The following DPF3 variants were observed in gnomAD, a reference collection of about 807,000 sequenced individuals.
DPF3 encodes the protein zinc finger protein DPF3.
DPF3 carries 18 observed loss-of-function variants against 56.8 expected under a neutral mutation model. That is an observed-to-expected ratio of 0.32 (90% CI 0.22 to 0.47). DPF3 has a LOEUF of 0.47. Ranked by LOEUF, DPF3 falls within the 20% of genes least tolerant of loss-of-function variation. The pLI is 1.00. For synonymous variants in DPF3, 188 were observed against 180.2 expected (o/e 1.04, Z -0.35); for missense variants, 403 against 488.8 (o/e 0.82, Z 1.65).
chr14:72,664,681 A>T (rs1022594355), intron 8 of DPF3, among the ~76,000 whole-genome samples: 7 of 150,492 alleles, frequency 4.7e-5, no homozygotes, highest in African/African-American at 7.4e-5. Flanking sequence ...AGACTTCTCC[A>T]TTCTTTCTGT....
chr14:72,884,876 C>G (rs1886453698), intron 1 of DPF3, among the ~76,000 whole-genome samples: 1 of 143,300 alleles, frequency 7.0e-6, no homozygotes. Context: ...GCGGGCGGAT[C>G]ACGAGGTCAG....
At chr14:72,651,797 C>T (rs1204819461) in intron 8 of DPF3, among the ~76,000 whole-genome samples, 3 of 152,316 alleles carry the variant, frequency 2.0e-5, no homozygotes, top group South Asian at 4.1e-4. Context: ...CAGCCAGCCA[C>T]GTCGTGGTAG....
intron 6 of DPF3, among the ~76,000 whole-genome samples, chr14:72,694,972 C>T (rs1887845785): frequency 6.6e-6 from 1 of 152,150 alleles, no homozygotes; most frequent in Non-Finnish European, 1.5e-5. Context: ...CTAGAATGCA[C>T]TCCATTTGGT....
chr14:72,861,723 G>GACAA (rs1567261016), intron 1 of DPF3, among the ~76,000 whole-genome samples: 9 of 71,832 alleles, frequency 1.3e-4, no homozygotes, highest in Non-Finnish European at 8.2e-5. Flanking sequence ...AAGAAAGAGA[G>GACAA]AGAAAGAAAG....
intron 1 of DPF3, among the ~76,000 whole-genome samples, chr14:72,853,049 A>ATGTGTGTGTGTGTG (rs59395885): frequency 6.7e-6 from 1 of 149,064 alleles, no homozygotes; most frequent in Non-Finnish European, 1.5e-5. Flanking sequence ...GTGTGTGTGT[A>ATGTGTGTGTGTGTG]TGTGTGTGTG....
chr14:72,805,709 T>C (rs1882746782), intron 1 of DPF3, among the ~76,000 whole-genome samples: 1 of 151,974 alleles, frequency 6.6e-6, no homozygotes, highest in Non-Finnish European at 1.5e-5. Context: ...AGTTGGACAT[T>C]GTAATGGGCG....
chr14:72,788,616 G>A (rs542698628), intron 1 of DPF3, among the ~76,000 whole-genome samples: 1 of 152,248 alleles, frequency 6.6e-6, no homozygotes, highest in East Asian at 1.9e-4. Context: ...CAGGATTCTA[G>A]TCAATTCCAT....
chr14:72,686,943 CAT>C (rs923004081), intron 7 of DPF3, among the ~76,000 whole-genome samples: 2 of 152,212 alleles, frequency 1.3e-5, no homozygotes, highest in African/African-American at 4.8e-5. Context: ...GCCCTCAAGC[CAT>C]ATGTTAGAGG....
chr14:72,621,493 C>T (rs1884440774), intron 9 of DPF3, among the ~76,000 whole-genome samples: 1 of 152,186 alleles, frequency 6.6e-6, no homozygotes, highest in Non-Finnish European at 1.5e-5. Flanking sequence ...CTGTTGGAAT[C>T]CCCAGGGAGC....
rs969454564 is a variant in DPF3, at chr14:72,615,452, C to A, written c.*3845G>T. Among the ~76,000 whole-genome samples, 5 of 152,330 alleles carry A rather than the reference C, an allele frequency of 3.3e-5. No individual in the cohort carries two copies. The highest frequency in any genetic ancestry group is 1.3e-4 in the Admixed American group (2 of 15,300). ...TTTTAAGCGGAGGGTTGAAAGGAAG[C>A]GGGCTGTATTCAAAGCACGAATACA... On this transcript the variant is annotated 3_prime_UTR_variant, in exon 11 of 11. Transcript: ENST00000556509.
At chr14:72,760,897 T>C (rs1891042721) in intron 2 of DPF3, among the ~76,000 whole-genome samples, 1 of 152,116 alleles carries the variant, frequency 6.6e-6, no homozygotes, top group Admixed American at 6.5e-5. Flanking sequence ...AGATATTTCA[T>C]GTTAATATTA....
At position 72,802,201 on chromosome 14, in the gene DPF3, G is replaced by C. The variant is rs544123626; in HGVS notation, c.33-30308C>G. ...ACACTACGAGACAAATGGGACTCCTGGTTTCTGCCCTCAACATGCTTATAT... is the reference window on the plus strand; with the variant it reads ...ACACTACGAGACAAATGGGACTCCTCGTTTCTGCCCTCAACATGCTTATAT... On this transcript the variant is annotated intron_variant, in intron 1 of 10. Coordinates refer to ENST00000556509, the MANE Select transcript of DPF3 (RefSeq NM_001280542.3). Among the ~76,000 whole-genome samples the C allele has an allele frequency of 9.6e-4, 146 of 152,280 alleles. 5 individuals are homozygous for C. The South Asian group carries it at 0.03, about 31-fold the overall frequency.
At chr14:72,739,963 T>C (rs568276172) in intron 3 of DPF3, among the ~76,000 whole-genome samples, 4 of 151,840 alleles carry the variant, frequency 2.6e-5, no homozygotes, top group Non-Finnish European at 4.4e-5. Flanking sequence ...AATCAGTGCT[T>C]TGGAGGAAAA....
intron 8 of DPF3, among the ~76,000 whole-genome samples, chr14:72,654,306 C>T (rs1886006311): frequency 6.6e-6 from 1 of 152,186 alleles, no homozygotes; most frequent in African/African-American, 2.4e-5. Flanking sequence ...CACTCTTGCT[C>T]TCAGTGGTCT....
intron 3 of DPF3, among the ~76,000 whole-genome samples, chr14:72,739,125 C>T (rs1367551183): frequency 6.6e-6 from 1 of 151,850 alleles, no homozygotes; most frequent in Non-Finnish European, 1.5e-5. Context: ...ACCTGTAGTC[C>T]CAGTGACTCG....
chr14:72,750,475 C>G (rs975840655), intron 3 of DPF3, among the ~76,000 whole-genome samples: 1 of 152,068 alleles, frequency 6.6e-6, no homozygotes, highest in African/African-American at 2.4e-5. Flanking sequence ...TAATAAAACC[C>G]TTTAAATTGA....
chr14:72,760,481 C>T (rs1007934551), intron 2 of DPF3, among the ~76,000 whole-genome samples: 1 of 152,110 alleles, frequency 6.6e-6, no homozygotes, highest in South Asian at 2.1e-4. Context: ...ATCCTGTCTT[C>T]GAAGTCCCTT....
chr14:72,765,120 C>T (rs1213172290), intron 2 of DPF3, among the ~76,000 whole-genome samples: 3 of 152,194 alleles, frequency 2.0e-5, no homozygotes, highest in Non-Finnish European at 2.9e-5. Flanking sequence ...TTTTCCCTCA[C>T]AGATGGCAAA....
chr14:72,856,005 G>A (rs1051601530), intron 1 of DPF3, among the ~76,000 whole-genome samples: 1 of 152,234 alleles, frequency 6.6e-6, no homozygotes. Flanking sequence ...TGGGTGAATT[G>A]TAAAGAAAGA....
Sources: gnomAD v4.1 joint callset for allele counts (sites outside exome capture counted in the v4.1 genomes callset) on GRCh38, gnomAD v4.1.1 for gene constraint, MANE v1.5 for transcripts, NCBI Gene and HGNC (gene_info 2026-07-23, HGNC 2026-07-21) for gene names.